The following TADA2A variants were observed in gnomAD, a reference collection of about 807,000 sequenced individuals.
TADA2A encodes the protein transcriptional adapter 2-alpha.
Under a neutral mutation model 67.4 loss-of-function variants are expected in TADA2A, and 38 were observed. The ratio of observed to expected loss-of-function variants is 0.56; its 90% CI spans 0.44 to 0.74. TADA2A has a LOEUF of 0.74. TADA2A is among the 30% of genes least tolerant of loss of function. TADA2A has a pLI of 0.00. For missense variants in TADA2A, 454 were observed against 547.0 expected, an observed-to-expected ratio of 0.83 and a Z score of 1.70; for synonymous variants, 192 against 181.6, an observed-to-expected ratio of 1.06 and a Z score of -0.46.
At chr17:37,449,279 C>T (rs1252829874) in intron 8 of TADA2A, among the ~76,000 whole-genome samples, 1 of 152,214 alleles carries the variant, frequency 6.6e-6, no homozygotes, top group Non-Finnish European at 1.5e-5. Context: ...CCTCAGCCTC[C>T]CAAAGTGCTG....
In TADA2A at chr17:37,458,585, AAAGT is replaced by A. The variant is rs1467181247; in HGVS notation, c.668+4_668+7del. 3.7e-6 allele frequency: 6 copies of A among 1,613,014 alleles called. No homozygotes were observed. The highest frequency in any genetic ancestry group is 2.2e-5 in the South Asian group (2 of 91,014). On this transcript the variant is annotated splice_donor_variant and coding_sequence_variant, in exon 9 of 16. Transcript: ENST00000615182. LOFTEE classifies it high-confidence loss of function. ...GGTTAAAGGAGAGACAAAGACGAAA[AAAGT>A]AAGTATAAAAAACCATCCTGGCCTC... is the stretch of plus-strand genomic sequence containing the variant.
intron 4 of TADA2A, among the ~76,000 whole-genome samples, chr17:37,432,900 T>C (rs1303496633): frequency 6.7e-6 from 1 of 149,154 alleles, no homozygotes; most frequent in Non-Finnish European, 1.5e-5. Context: ...TTTTAGTCAG[T>C]GCAGTGTGGT....
At chr17:37,429,578 A>G (rs959389418) in intron 4 of TADA2A, among the ~76,000 whole-genome samples, 1 of 152,152 alleles carries the variant, frequency 6.6e-6, no homozygotes, top group Non-Finnish European at 1.5e-5. Flanking sequence ...CACCATGCCC[A>G]GCCAGAGAAC....
Position 37,472,466 on chromosome 17 carries a change from A to T in TADA2A, c.1072+1329A>T, listed in dbSNP as rs1482091162. ...AAGGTATTGTTTTAGGGGAGTGGCT[A>T]AGACAGTGAAATCAAAGTTTTATTT... is the stretch of plus-strand genomic sequence containing the variant. On this transcript the variant is annotated intron_variant, in intron 14 of 15. Coordinates refer to ENST00000615182, the MANE Select transcript of TADA2A (RefSeq NM_001166105.3). Among the ~76,000 whole-genome samples, 3 of 152,166 alleles carry T rather than the reference A, an allele frequency of 2.0e-5. No homozygotes were observed. The South Asian group carries it at 6.2e-4, about 32-fold the overall frequency.
Position 37,477,165 on chromosome 17 carries a change from C to T in TADA2A, c.*183C>T, listed in dbSNP as rs1205740482. 5.0e-6 allele frequency: 3 copies of T among 595,988 alleles called. No individual in the cohort carries two copies. The highest frequency in any genetic ancestry group is 8.5e-6 in the Non-Finnish European group (3 of 353,924). The allele number at this position is 595,988 out of a possible 1,614,324, so 36.9% of individuals were successfully genotyped here. ...TTCTCCATCCTGCTTTAAAACACTC[C>T]TGTTGTTGGTATTATGCTGCAGAGT... On this transcript the variant is annotated 3_prime_UTR_variant, in exon 16 of 16. Coordinates refer to ENST00000615182, the MANE Select transcript of TADA2A (RefSeq NM_001166105.3).
intron 9 of TADA2A, among the ~76,000 whole-genome samples, chr17:37,459,519 G>A (rs2053493077): frequency 6.6e-6 from 1 of 151,140 alleles, no homozygotes; most frequent in Admixed American, 6.6e-5. Context: ...CCCACCTTAA[G>A]TGATCCATCC....
At chr17:37,455,591 C>A (rs12453296) in intron 8 of TADA2A, among the ~76,000 whole-genome samples, 1 of 151,818 alleles carries the variant, frequency 6.6e-6, no homozygotes. Context: ...CCATGTTAGC[C>A]AGGATGGTCT....
intron 4 of TADA2A, among the ~76,000 whole-genome samples, chr17:37,427,483 G>A (rs1416867798): frequency 1.3e-5 from 2 of 152,174 alleles, no homozygotes; most frequent in Non-Finnish European, 2.9e-5. Flanking sequence ...CACAGCAAAT[G>A]AATTAATACA....
intron 13 of TADA2A, among the ~76,000 whole-genome samples, chr17:37,470,745 A>G (rs939855131): frequency 2.0e-5 from 3 of 152,070 alleles, no homozygotes; most frequent in Admixed American, 6.6e-5. Flanking sequence ...CTTTGATCCT[A>G]TTTTTTAAAA....
At chr17:37,444,864 C>T (rs969787153) in intron 8 of TADA2A, 96 bp downstream of exon 8, 5 of 1,131,908 alleles carry the variant, frequency 4.4e-6, no homozygotes, top group Non-Finnish European at 6.5e-6. Flanking sequence ...AACATGTCCC[C>T]TGCCCTTATA....
intron 4 of TADA2A, among the ~76,000 whole-genome samples, chr17:37,431,665 C>T (rs1638919767): frequency 6.6e-6 from 1 of 151,608 alleles, no homozygotes; most frequent in Non-Finnish European, 1.5e-5. Context: ...ACCTCCGACT[C>T]CTGGGTCCAA....
At chr17:37,471,474 ATAAAT>A (rs931165393) in intron 14 of TADA2A, among the ~76,000 whole-genome samples, 6 of 152,230 alleles carry the variant, frequency 3.9e-5, no homozygotes, top group African/African-American at 7.2e-5. Context: ...TTCACAGGAG[ATAAAT>A]TAAAAGCTTT....
intron 8 of TADA2A, among the ~76,000 whole-genome samples, chr17:37,446,809 CTA>C (rs1477836099): frequency 6.6e-6 from 1 of 152,078 alleles, no homozygotes; most frequent in Non-Finnish European, 1.5e-5. Context: ...ATTAAGAAAA[CTA>C]TAGTAATGGT....
chr17:37,470,249 T>G, intron 12 of TADA2A, 151 bp from the exon 13 acceptor site: 1 of 772,162 alleles, frequency 1.3e-6, no homozygotes, highest in South Asian at 2.1e-5. Context: ...AGGGAAAATC[T>G]ACTTGGGTCT....
At chr17:37,411,638 C>T (rs2051874130) in intron 2 of TADA2A, among the ~76,000 whole-genome samples, 2 of 151,770 alleles carry the variant, frequency 1.3e-5, no homozygotes, top group African/African-American at 2.4e-5. Context: ...CCATGTTGGC[C>T]AGACTGGTCT....
chr17:37,467,751 G>A (rs2053697161), intron 12 of TADA2A, among the ~76,000 whole-genome samples: 1 of 152,116 alleles, frequency 6.6e-6, no homozygotes, highest in Non-Finnish European at 1.5e-5. Context: ...GAGAGGTGCT[G>A]CTTTAGATTT....
At chr17:37,430,882 T>C (rs1597872807) in intron 4 of TADA2A, among the ~76,000 whole-genome samples, 1 of 152,214 alleles carries the variant, frequency 6.6e-6, no homozygotes, top group Admixed American at 6.6e-5. Flanking sequence ...CATATTTACA[T>C]GTCTTTTGGT....
At chr17:37,460,740 A>G (rs1311286791) in intron 9 of TADA2A, among the ~76,000 whole-genome samples, 1 of 152,150 alleles carries the variant, frequency 6.6e-6, no homozygotes, top group East Asian at 1.9e-4. Context: ...AGAGAAGAGT[A>G]TGCAGAGGGT....
intron 1 of TADA2A, among the ~76,000 whole-genome samples, chr17:37,409,289 A>C (rs1012077505): frequency 2.6e-5 from 4 of 151,650 alleles, no homozygotes; most frequent in Non-Finnish European, 5.9e-5. Context: ...GGTTCTCACT[A>C]TGTTGCCCAG....
Sources: allele counts gnomAD v4.1 joint callset (sites outside exome capture counted in the v4.1 genomes callset), GRCh38; gene constraint gnomAD v4.1.1; transcripts MANE v1.5; gene names NCBI Gene and HGNC (gene_info 2026-07-23, HGNC 2026-07-21).